KHDC1: variants seen among roughly 807,000 people sequenced by gnomAD.
KHDC1 encodes KH homology domain-containing protein 1.
KHDC1 carries 21 observed loss-of-function variants against 24.7 expected under a neutral mutation model. That is an observed-to-expected ratio of 0.85 (90% CI 0.60 to 1.23). KHDC1 has a LOEUF of 1.23. KHDC1 is among the 50% of genes most tolerant of loss of function. The pLI is 0.00. For missense variants in KHDC1, 274 were observed against 298.5 expected (o/e 0.92, Z 0.61); for synonymous variants, 98 against 111.7 (o/e 0.88, Z 0.77).
At chr6:73,301,722 C>T (rs1188247764) in intron 1 of KHDC1, among the ~76,000 whole-genome samples, 1 of 152,118 alleles carries the variant, frequency 6.6e-6, no homozygotes, top group Non-Finnish European at 1.5e-5. Flanking sequence ...GCCTCGACCT[C>T]CTAGGCTCAA....
chr6:73,295,444 G>A (rs952408298), intron 1 of KHDC1, among the ~76,000 whole-genome samples: 1 of 152,180 alleles, frequency 6.6e-6, no homozygotes, highest in African/African-American at 2.4e-5. Flanking sequence ...GCTCACGCCT[G>A]TAATCCCAGC....
At chr6:73,278,868 G>A (rs370775011) in intron 2 of KHDC1, among the ~76,000 whole-genome samples, 17 of 152,256 alleles carry the variant, frequency 1.1e-4, no homozygotes, top group African/African-American at 4.1e-4. Context: ...TATTGTACAC[G>A]AATTTTACAG....
chr6:73,266,432 A>G (rs1490759738), intron 2 of KHDC1, among the ~76,000 whole-genome samples: 1 of 152,264 alleles, frequency 6.6e-6, no homozygotes, highest in East Asian at 1.9e-4. Flanking sequence ...CTGAGGAAGC[A>G]GTTATCAAGA....
chr6:73,284,990 G>A (rs775193551), intron 2 of KHDC1, among the ~76,000 whole-genome samples: 2 of 151,108 alleles, frequency 1.3e-5, no homozygotes, highest in African/African-American at 4.9e-5. Context: ...GATTACTGGC[G>A]CATGCCACCA....
chr6:73,286,880 C>G (rs1255050641), intron 2 of KHDC1, among the ~76,000 whole-genome samples: 1 of 25,064 alleles, frequency 4.0e-5, no homozygotes, highest in Non-Finnish European at 1.6e-4. Flanking sequence ...GAGACTCTGT[C>G]TCAAAAAAAA....
exon 5 of KHDC1, chr6:73,241,498 T>A: frequency 6.2e-7 from 1 of 1,603,524 alleles, no homozygotes; most frequent in Non-Finnish European, 8.5e-7. Context: ...TCTCCTCTCA[T>A]CCCCACTTCC....
At chr6:73,258,318 C>T (rs1766918202) in intron 2 of KHDC1, among the ~76,000 whole-genome samples, 1 of 152,022 alleles carries the variant, frequency 6.6e-6, no homozygotes, top group African/African-American at 2.4e-5. Context: ...TGGCACGCAC[C>T]TATAGTATCA....
Position 73,260,888 on chromosome 6 carries a change from C to T in KHDC1, c.207-18358G>A, listed in dbSNP as rs183851638. ...ATCTATTGTCTATTTATACATTTGCCCATTTCTCTGTAGGGTTGTCTTTTT... is the reference window on the plus strand; with the variant it reads ...ATCTATTGTCTATTTATACATTTGCTCATTTCTCTGTAGGGTTGTCTTTTT... On this transcript the variant is annotated intron_variant, in intron 2 of 4. Transcript: ENST00000370384. Among the ~76,000 whole-genome samples, 524 of 152,134 alleles carry T rather than the reference C, an allele frequency of 3.4e-3. 1 individual carries two copies. Among genetic ancestry groups the T allele is most frequent in the African/African-American group, 0.012 (495 of 41,488 alleles).
At chr6:73,309,100 CG>C (rs1412539305) in intron 1 of KHDC1, among the ~76,000 whole-genome samples, 2 of 152,224 alleles carry the variant, frequency 1.3e-5, no homozygotes, top group African/African-American at 4.8e-5. Context: ...GGATTACAGG[CG>C]TGAGCCAACG....
At chr6:73,241,829 C>G in intron 4 of KHDC1, 101 bp from the exon 4 acceptor site, 1 of 1,300,418 alleles carries the variant, frequency 7.7e-7, no homozygotes, top group South Asian at 1.3e-5. Flanking sequence ...GATGTCACCC[C>G]AGCCCAGACC....
At chr6:73,273,987 C>T (rs1767232793) in intron 2 of KHDC1, among the ~76,000 whole-genome samples, 1 of 152,094 alleles carries the variant, frequency 6.6e-6, no homozygotes. Flanking sequence ...TGTGGTGGCA[C>T]ATACCTGTAG....
chr6:73,267,007 G>T (rs1767085619), intron 2 of KHDC1, among the ~76,000 whole-genome samples: 1 of 152,122 alleles, frequency 6.6e-6, no homozygotes, highest in Admixed American at 6.6e-5. Context: ...GGGCAACATT[G>T]CAAGGCCCTA....
chr6:73,280,154 CT>C (rs1187207273), intron 2 of KHDC1, among the ~76,000 whole-genome samples: 1 of 151,796 alleles, frequency 6.6e-6, no homozygotes, highest in East Asian at 1.9e-4. Flanking sequence ...TAAATATATC[CT>C]TTTTTGTTTT....
intron 2 of KHDC1, chr6:73,290,496 T>C (rs1305476275): frequency 5.4e-6 from 2 of 367,712 alleles, no homozygotes; most frequent in African/African-American, 2.1e-5. Flanking sequence ...ATGAAGGTGA[T>C]GGCATCTATA....
At chr6:73,248,472 G>C (rs1766715448) in intron 2 of KHDC1, among the ~76,000 whole-genome samples, 2 of 151,012 alleles carry the variant, frequency 1.3e-5, no homozygotes, top group African/African-American at 2.4e-5. Context: ...TCTTTCCCTT[G>C]TTAGAGAAGA....
chr6:73,285,757 T>C (rs932995556), intron 2 of KHDC1, among the ~76,000 whole-genome samples: 3 of 152,020 alleles, frequency 2.0e-5, no homozygotes, highest in Non-Finnish European at 4.4e-5. Context: ...CACCCACTAA[T>C]GTGTCATCTA....
At chr6:73,305,683 A>G (rs569019199) in intron 1 of KHDC1, among the ~76,000 whole-genome samples, 60 of 152,252 alleles carry the variant, frequency 3.9e-4, no homozygotes, top group African/African-American at 1.4e-3. Context: ...TTTTTGAGAC[A>G]TAGTCTCACT....
chr6:73,259,001 T>C lies in KHDC1; in HGVS notation c.207-16471A>G, dbSNP rs1313298205. Among the ~76,000 whole-genome samples, 5 of 152,200 alleles carry C rather than the reference T, an allele frequency of 3.3e-5. No individual in the cohort carries two copies. In the East Asian group the frequency reaches 9.6e-4, roughly 29 times the overall value. ...CCACTGGTGAGAGGAATGGCAGTAA[T>C]TGCAAGGGCAGGGCTTGCAGGAAGA... On this transcript the variant is annotated intron_variant, in intron 2 of 4. Coordinates refer to ENST00000370384, the Ensembl canonical transcript of KHDC1.
At chr6:73,280,995 G>C (rs1767393399) in intron 2 of KHDC1, among the ~76,000 whole-genome samples, 1 of 152,010 alleles carries the variant, frequency 6.6e-6, no homozygotes, top group Non-Finnish European at 1.5e-5. Context: ...AATCACTTGA[G>C]GTCAGGAGTT....
Sources: allele counts gnomAD v4.1 joint callset (sites outside exome capture counted in the v4.1 genomes callset), GRCh38; gene constraint gnomAD v4.1.1; transcripts MANE v1.5; gene names NCBI Gene and HGNC (gene_info 2026-07-23, HGNC 2026-07-21).